Variants in VPS13B observed in about 807,000 individuals in gnomAD.
VPS13B encodes vacuolar protein sorting 13 homolog B.
In VPS13B, 285 loss-of-function variants were observed where a neutral mutation model predicts 426.4. The observed-to-expected ratio is 0.67, with a 90% confidence interval of 0.61 to 0.74. The LOEUF (loss-of-function observed/expected upper bound fraction) is 0.74. Among genes scored for constraint, VPS13B ranks in the 30% least tolerant of loss-of-function variants. The pLI, the probability that VPS13B is intolerant of heterozygous loss-of-function variation, is 0.00. For missense variants in VPS13B, 4,537 were observed against 4,782.6 expected, an observed-to-expected ratio of 0.95 and a Z score of 1.51; for synonymous variants, 1,676 against 1,676.4, an observed-to-expected ratio of 1.00 and a Z score of 0.01.
At chr8:99,674,676 G>A (rs947548428) in intron 35 of VPS13B, among the ~76,000 whole-genome samples, 7 of 151,708 alleles carry the variant, frequency 4.6e-5, no homozygotes, top group African/African-American at 1.5e-4. Flanking sequence ...CTTTCTTTGT[G>A]GTTAAGTAAG....
At chr8:99,574,039 G>T (rs1306327325) in intron 31 of VPS13B, among the ~76,000 whole-genome samples, 1 of 152,012 alleles carries the variant, frequency 6.6e-6, no homozygotes, top group Non-Finnish European at 1.5e-5. Context: ...TGTATTCCTA[G>T]GTATTTTTTT....
At position 99,096,352 on chromosome 8, in the gene VPS13B, G is replaced by A. The variant is rs1846417432; in HGVS notation, c.332G>A (p.Ser111Asn). ...ESCGSNSTNR[S>N]TAESTKSSIK... ...TGTGGTTCTAATTCTACCAACCGTAGTACTGCTGAGAGCACAAAATCATCA... is the reference window on the plus strand; with the variant it reads ...TGTGGTTCTAATTCTACCAACCGTAATACTGCTGAGAGCACAAAATCATCA... The change falls in exon 4 of 62, where the codon AGT (serine) becomes AAT (asparagine). Residue 111 changes from serine to asparagine, a missense_variant. Around this residue, in one of 2 missense-constraint regions of VPS13B, gnomAD observed 226 missense variants for 308.3 expected, o/e 0.73. Transcript: ENST00000357162. 1 of 1,614,076 alleles carries A rather than the reference G, an allele frequency of 6.2e-7. No homozygotes were observed. The highest frequency in any genetic ancestry group is 8.5e-7 in the Non-Finnish European group (1 of 1,179,976).
At chr8:99,590,866 G>C (rs1460623114) in intron 33 of VPS13B, among the ~76,000 whole-genome samples, 2 of 152,100 alleles carry the variant, frequency 1.3e-5, no homozygotes, top group Non-Finnish European at 1.5e-5. Flanking sequence ...TTGTTGCAGA[G>C]CTGAGTTCTG....
At chr8:99,241,380 A>G (rs1173872621) in intron 17 of VPS13B, 1 of 152,198 alleles carries the variant, frequency 6.6e-6, no homozygotes, top group African/African-American at 2.4e-5. Context: ...TATTATAATT[A>G]TGAATGATAT....
intron 25 of VPS13B, among the ~76,000 whole-genome samples, chr8:99,482,294 T>G (rs1820082799): frequency 6.6e-6 from 1 of 152,174 alleles, no homozygotes; most frequent in South Asian, 2.1e-4. Context: ...AGCATGCCAG[T>G]ACCTCTTTTG....
chr8:99,146,215 T>G (rs75289544), intron 13 of VPS13B, among the ~76,000 whole-genome samples: 3,075 of 152,346 alleles, frequency 0.02, 115 homozygotes, highest in African/African-American at 0.07. Context: ...TTTGAATTAA[T>G]TTTTTACATA....
intron 12 of VPS13B, among the ~76,000 whole-genome samples, chr8:99,137,837 A>T (rs1162403707): frequency 1.3e-5 from 2 of 152,186 alleles, no homozygotes; most frequent in African/African-American, 4.8e-5. Context: ...TCCAATGCAT[A>T]CTTGACGTTT....
At chr8:99,367,929 C>T (rs543911486) in intron 19 of VPS13B, among the ~76,000 whole-genome samples, 2 of 152,296 alleles carry the variant, frequency 1.3e-5, no homozygotes, top group Admixed American at 6.5e-5. Context: ...GCTGGGATTA[C>T]AGGCGTGAGC....
In VPS13B at chr8:99,275,083, G is replaced by T; in HGVS notation, c.2653G>T (p.Asp885Tyr). 1 of 1,599,598 alleles carries T rather than the reference G, an allele frequency of 6.3e-7. No individual in the cohort carries two copies. ...GTTTTATAAATATTTCTTTTCAGTT[G>T]ATAGTGGAAAAGAGAAGTTGATTCC... Reference protein sequence around the residue: ...SIKICAKAPVDSGKEKLIPLL... With the variant: ...SIKICAKAPVYSGKEKLIPLL... Residue 885 changes from aspartate to tyrosine, a missense_variant and splice_region_variant, in exon 19 of 62, where the codon GAT becomes TAT. Asp to Tyr is a radical substitution (Grantham distance 160, BLOSUM62 -3). Transcript: ENST00000357162.
At chr8:99,750,181 A>G (rs1225594755) in intron 39 of VPS13B, among the ~76,000 whole-genome samples, 1 of 152,130 alleles carries the variant, frequency 6.6e-6, no homozygotes, top group Non-Finnish European at 1.5e-5. Flanking sequence ...GTGATGAAGT[A>G]TTTCTAAGGT....
At chr8:99,111,503 GTT>G in intron 6 of VPS13B, among the ~76,000 whole-genome samples, 1 of 149,260 alleles carries the variant, frequency 6.7e-6, no homozygotes, top group South Asian at 2.1e-4. Flanking sequence ...TTCTGTAATT[GTT>G]TTTTTTTAGT....
At chr8:99,669,841 T>C (rs897509591) in intron 35 of VPS13B, among the ~76,000 whole-genome samples, 1 of 152,132 alleles carries the variant, frequency 6.6e-6, no homozygotes, top group East Asian at 1.9e-4. Context: ...TTTCTCCTTA[T>C]ATTGTATGGA....
chr8:99,431,772 C>A, intron 22 of VPS13B, 108 bp downstream of exon 22: 1 of 1,146,594 alleles, frequency 8.7e-7, no homozygotes, highest in Non-Finnish European at 1.2e-6. Flanking sequence ...ATTATGTATA[C>A]CATCTCATTT....
intron 35 of VPS13B, chr8:99,697,693 C>T: frequency 1.6e-6 from 1 of 638,672 alleles, no homozygotes; most frequent in Non-Finnish European, 3.0e-6. Context: ...CTTGATCTCA[C>T]ACCTGGAGAT....
chr8:99,608,150 C>CT (rs200976473), intron 33 of VPS13B, among the ~76,000 whole-genome samples: 5,131 of 138,454 alleles, frequency 0.037, 118 homozygotes, highest in East Asian at 0.091. Flanking sequence ...TTTTAATCTA[C>CT]TTTTTTTTTT....
rs536125528 is a variant in VPS13B at position 99,221,377 on chromosome 8, CA to C, written c.2515+28321del. Among the ~76,000 whole-genome samples, 43 of 152,158 alleles carry C rather than the reference CA, an allele frequency of 2.8e-4. No individual in the cohort carries two copies. The South Asian group carries it at 8.9e-3, about 32-fold the overall frequency. On this transcript the variant is annotated intron_variant, in intron 17 of 61. Transcript: ENST00000357162. ...AGGAATCGCCACACTGACTTCGTTT[CA>C]GAATTTTGAGCAGTACTGTTGACAT...
chr8:99,039,003 GT>G (rs1322653454), intron 3 of VPS13B, among the ~76,000 whole-genome samples: 4 of 151,986 alleles, frequency 2.6e-5, no homozygotes, highest in African/African-American at 9.7e-5. Context: ...GTATATGCCT[GT>G]TTAAGTGACA....
chr8:99,323,239 A>G (rs945135100), intron 19 of VPS13B, among the ~76,000 whole-genome samples: 1 of 152,170 alleles, frequency 6.6e-6, no homozygotes, highest in Non-Finnish European at 1.5e-5. Flanking sequence ...GCATGACGGT[A>G]ATTACAGAGA....
chr8:99,117,946 A>G (rs564582207), intron 7 of VPS13B, among the ~76,000 whole-genome samples: 3 of 152,306 alleles, frequency 2.0e-5, no homozygotes, highest in African/African-American at 7.2e-5. Flanking sequence ...ACTTTATCTC[A>G]TTAAAAAAAT....
Sources: allele counts gnomAD v4.1 joint callset (sites outside exome capture counted in the v4.1 genomes callset), GRCh38; gene constraint gnomAD v4.1.1; regional missense constraint gnomAD v4.1.1; transcripts MANE v1.5; gene names NCBI Gene and HGNC (gene_info 2026-07-23, HGNC 2026-07-21).